Variants in GRK5 observed in about 807,000 individuals in gnomAD.
The protein encoded by GRK5 is G protein-coupled receptor kinase 5, also known as g protein-coupled receptor kinase GRK5.
A neutral mutation model predicts 78.4 loss-of-function variants in GRK5; 40 were observed. That is an observed-to-expected ratio of 0.51 (90% CI 0.40 to 0.66). The LOEUF (loss-of-function observed/expected upper bound fraction) is 0.66, where lower values mean the gene tolerates loss of function less well. GRK5 is among the 30% of genes least tolerant of loss of function. GRK5 has a pLI of 0.00. For missense variants in GRK5, 598 were observed against 759.9 expected, an observed-to-expected ratio of 0.79 and a Z score of 2.50; for synonymous variants, 289 against 296.8, an observed-to-expected ratio of 0.97 and a Z score of 0.27.
intron 4 of GRK5, 90 bp from the exon 5 acceptor site, chr10:119,423,076 G>A: frequency 2.5e-6 from 2 of 807,784 alleles, no homozygotes; most frequent in Non-Finnish European, 4.3e-6. Context: ...CCTGGAGCGT[G>A]GCTGGTTCTT....
intron 12 of GRK5, among the ~76,000 whole-genome samples, chr10:119,446,015 C>T (rs1853139226): frequency 6.6e-6 from 1 of 152,228 alleles, no homozygotes; most frequent in Admixed American, 6.5e-5. Context: ...TCCCCAAACC[C>T]CTGCTCAGTC....
chr10:119,325,670 A>G (rs1850662753), intron 1 of GRK5, among the ~76,000 whole-genome samples: 1 of 152,170 alleles, frequency 6.6e-6, no homozygotes, highest in Non-Finnish European at 1.5e-5. Flanking sequence ...TCCAAGGCCC[A>G]GATGCTGGTG....
chr10:119,351,291 G>A (rs181042296), intron 2 of GRK5, among the ~76,000 whole-genome samples: 1 of 152,136 alleles, frequency 6.6e-6, no homozygotes, highest in Non-Finnish European at 1.5e-5. Flanking sequence ...CTTTGATATG[G>A]TTTGGCTCTG....
intron 1 of GRK5, among the ~76,000 whole-genome samples, chr10:119,221,048 C>T (rs147025840): frequency 2.1e-5 from 3 of 145,486 alleles, no homozygotes; most frequent in Non-Finnish European, 3.0e-5. Flanking sequence ...CCCAGCTACT[C>T]GGGAGGCTGA....
chr10:119,386,401 G>A (rs927467824), intron 3 of GRK5, among the ~76,000 whole-genome samples: 5 of 152,138 alleles, frequency 3.3e-5, no homozygotes, highest in Admixed American at 6.5e-5. Flanking sequence ...CCTAGGAGTC[G>A]GTGGAATTTT....
intron 1 of GRK5, among the ~76,000 whole-genome samples, chr10:119,313,056 ATGATGGTGGTGG>A (rs1297678257): frequency 8.9e-5 from 11 of 123,294 alleles, no homozygotes; most frequent in East Asian, 4.9e-4. Flanking sequence ...GGTGGTAATG[ATGATGGTGGTGG>A]TGATGGTGGT....
chr10:119,293,787 C>T (rs1191091981), intron 1 of GRK5, among the ~76,000 whole-genome samples: 2 of 152,102 alleles, frequency 1.3e-5, no homozygotes, highest in East Asian at 1.9e-4. Context: ...GTGCTGCCAT[C>T]GCCTCGGGGT....
At chr10:119,446,774 C>T (rs1201712196) in intron 12 of GRK5, among the ~76,000 whole-genome samples, 2 of 152,220 alleles carry the variant, frequency 1.3e-5, no homozygotes, top group Admixed American at 6.5e-5. Context: ...ATGCCACCTT[C>T]GATTCCTTTG....
intron 2 of GRK5, among the ~76,000 whole-genome samples, chr10:119,371,202 T>G (rs1851540782): frequency 6.6e-6 from 1 of 152,196 alleles, no homozygotes; most frequent in Non-Finnish European, 1.5e-5. Context: ...GCACCCGGGC[T>G]GCAGCTTCTC....
rs1853085285 is a variant in GRK5, at chr10:119,443,692, G to A, written c.1206G>A (p.Leu402=). 6.2e-7 allele frequency: 1 copy of A among 1,613,204 alleles called. No homozygotes were observed. Among genetic ancestry groups the A allele is most frequent in the Non-Finnish European group, 8.5e-7 (1 of 1,179,598 alleles). ...VKREEVDRRV[L]ETEEVYSHKF... is the part of the protein sequence containing the mutation. Reference sequence around the variant, plus strand: ...GGGAGGAGGTGGACCGCCGGGTCCTGGAGACGGAGGAGGTGTACTCCCACA... The same window carrying A: ...GGGAGGAGGTGGACCGCCGGGTCCTAGAGACGGAGGAGGTGTACTCCCACA... Residue 402 remains leucine (L), a synonymous_variant, in exon 12 of 16, where the codon CTG becomes CTA. Coordinates refer to ENST00000392870, the MANE Select transcript of GRK5 (RefSeq NM_005308.3).
intron 1 of GRK5, among the ~76,000 whole-genome samples, chr10:119,309,539 A>T (rs552848183): frequency 2.0e-5 from 3 of 152,244 alleles, no homozygotes; most frequent in Non-Finnish European, 4.4e-5. Context: ...GCGACAGCTC[A>T]CATTTACTGA....
At chr10:119,394,313 C>CGGGTATGT (rs1851968653) in intron 3 of GRK5, among the ~76,000 whole-genome samples, 1 of 4,274 alleles carries the variant, frequency 2.3e-4, no homozygotes, top group Non-Finnish European at 4.7e-4. Context: ...TGTGTGGGCA[C>CGGGTATGT]GTGGGTGTGT....
chr10:119,326,235 G>A (rs545201135), intron 1 of GRK5, among the ~76,000 whole-genome samples: 44 of 152,380 alleles, frequency 2.9e-4, no homozygotes, highest in African/African-American at 1.0e-3. Flanking sequence ...TAGGGGAACA[G>A]CCGTGGGGGA....
intron 3 of GRK5, among the ~76,000 whole-genome samples, chr10:119,393,440 G>C (rs1851919091): frequency 6.6e-6 from 1 of 152,244 alleles, no homozygotes; most frequent in South Asian, 2.1e-4. Context: ...TGATTAGTGA[G>C]CCCCAGGCCT....
chr10:119,315,943 G>A (rs1850480020), intron 1 of GRK5, among the ~76,000 whole-genome samples: 1 of 152,160 alleles, frequency 6.6e-6, no homozygotes, highest in Admixed American at 6.5e-5. Context: ...TAACAAATGT[G>A]GTCCCCTGCA....
intron 4 of GRK5, among the ~76,000 whole-genome samples, chr10:119,414,883 A>G (rs562829508): frequency 6.6e-6 from 1 of 152,104 alleles, no homozygotes; most frequent in South Asian, 2.1e-4. Flanking sequence ...GGAGTTTGAG[A>G]CCAGCCTGGC....
At chr10:119,408,767 A>G (rs1427516523) in intron 4 of GRK5, among the ~76,000 whole-genome samples, 1 of 152,190 alleles carries the variant, frequency 6.6e-6, no homozygotes, top group South Asian at 2.1e-4. Flanking sequence ...TTTTTGGAAC[A>G]AGATAGAGGT....
At chr10:119,426,742 G>A (rs930747399) in intron 6 of GRK5, among the ~76,000 whole-genome samples, 4 of 150,780 alleles carry the variant, frequency 2.7e-5, no homozygotes, top group Non-Finnish European at 4.4e-5. Flanking sequence ...CAGCATCACC[G>A]CCATCATCAG....
At chr10:119,254,135 T>C (rs145391527) in intron 1 of GRK5, among the ~76,000 whole-genome samples, 1 of 152,298 alleles carries the variant, frequency 6.6e-6, no homozygotes, top group Non-Finnish European at 1.5e-5. Context: ...GGGACTCTTG[T>C]AATTCTAAGC....
Sources: allele counts gnomAD v4.1 joint callset (sites outside exome capture counted in the v4.1 genomes callset), GRCh38; gene constraint gnomAD v4.1.1; transcripts MANE v1.5; gene names NCBI Gene and HGNC (gene_info 2026-07-23, HGNC 2026-07-21).